The following RAP2A variants were observed in gnomAD, a reference collection of about 807,000 sequenced individuals.
RAP2A encodes ras-related protein Rap-2a.
A neutral mutation model predicts 15.1 loss-of-function variants in RAP2A; 5 were observed. That is an observed-to-expected ratio of 0.33 (90% CI 0.17 to 0.70). The LOEUF (loss-of-function observed/expected upper bound fraction) is 0.70. RAP2A is among the 30% of genes least tolerant of loss of function. The probability of loss-of-function intolerance (pLI) is 0.68; values close to 1 mark genes in which losing one functional copy is unlikely to be tolerated. For synonymous variants in RAP2A, 110 were observed against 99.7 expected (o/e 1.10, Z -0.62); for missense variants, 111 against 240.3 (o/e 0.46, Z 3.56).
intron 1 of RAP2A, among the ~76,000 whole-genome samples, chr13:97,450,694 GGTTTTTT>G (rs2066698703): frequency 6.6e-6 from 1 of 151,050 alleles, no homozygotes; most frequent in African/African-American, 2.5e-5. Context: ...TATTCAGATA[GGTTTTTT>G]ACATTTGGTT....
intron 1 of RAP2A, among the ~76,000 whole-genome samples, chr13:97,457,247 G>GAT (rs1457423525): frequency 3.9e-4 from 58 of 150,568 alleles, no homozygotes; most frequent in Non-Finnish European, 4.9e-4. Context: ...ACACGTGAGA[G>GAT]ATATATATAT....
chr13:97,442,565 G>A (rs971317019), intron 1 of RAP2A, among the ~76,000 whole-genome samples: 2 of 152,030 alleles, frequency 1.3e-5, no homozygotes, highest in Admixed American at 6.6e-5. Flanking sequence ...ACATCTAGCC[G>A]AAATCAACAT....
intron 1 of RAP2A, among the ~76,000 whole-genome samples, chr13:97,450,128 A>G (rs1353753579): frequency 6.6e-6 from 1 of 152,200 alleles, no homozygotes; most frequent in East Asian, 1.9e-4. Flanking sequence ...ATAGCTTTCA[A>G]GCTTCTTTAT....
chr13:97,452,657 C>CAT (rs2066707356), intron 1 of RAP2A, among the ~76,000 whole-genome samples: 1 of 150,594 alleles, frequency 6.6e-6, no homozygotes, highest in Non-Finnish European at 1.5e-5. Flanking sequence ...CACGCACACA[C>CAT]ACACACACAC....
intron 1 of RAP2A, among the ~76,000 whole-genome samples, chr13:97,457,068 A>C (rs1233850487): frequency 7.2e-5 from 11 of 152,130 alleles, no homozygotes; most frequent in Non-Finnish European, 1.6e-4. Context: ...AAAAATGTAA[A>C]TCCTAAGGAT....
At chr13:97,463,985 A>C (rs867706321) in intron 1 of RAP2A, among the ~76,000 whole-genome samples, 1 of 152,232 alleles carries the variant, frequency 6.6e-6, no homozygotes, top group Non-Finnish European at 1.5e-5. Flanking sequence ...ATAATTGATT[A>C]ATTAAAACAT....
chr13:97,435,001 C>G (rs922808424), intron 1 of RAP2A, among the ~76,000 whole-genome samples: 48 of 152,206 alleles, frequency 3.2e-4, no homozygotes, highest in African/African-American at 1.1e-3. Context: ...CAGAACAGCT[C>G]TTTGTCTCTT....
chr13:97,448,793 A>T (rs1211349819), intron 1 of RAP2A, among the ~76,000 whole-genome samples: 1 of 152,160 alleles, frequency 6.6e-6, no homozygotes, highest in Non-Finnish European at 1.5e-5. Flanking sequence ...GTTTTGATCA[A>T]TAGGAGTTTT....
intron 1 of RAP2A, among the ~76,000 whole-genome samples, chr13:97,450,870 T>C (rs921418208): frequency 2.6e-5 from 4 of 152,222 alleles, no homozygotes; most frequent in Admixed American, 6.5e-5. Flanking sequence ...TTTGAGGTAC[T>C]GTGACATCTT....
chr13:97,436,222 T>C (rs1232166922), intron 1 of RAP2A: 1 of 152,230 alleles, frequency 6.6e-6, no homozygotes, highest in Admixed American at 6.5e-5. Flanking sequence ...AGTATCATTT[T>C]CCTAAAGTTA....
chr13:97,436,162 C>T (rs2066633426), intron 1 of RAP2A: 1 of 152,134 alleles, frequency 6.6e-6, no homozygotes, highest in Admixed American at 6.5e-5. Flanking sequence ...CAGATATTTT[C>T]GTGGTCTCTG....
chr13:97,460,387 A>C (rs751346732), intron 1 of RAP2A, among the ~76,000 whole-genome samples: 1 of 152,228 alleles, frequency 6.6e-6, no homozygotes, highest in Non-Finnish European at 1.5e-5. Flanking sequence ...AGAGTATCTT[A>C]GGAATTATCC....
rs551930558 is a variant in RAP2A at position 97,465,669 on chromosome 13, G to C, written c.*1227G>C. 6.6e-6 allele frequency: 1 copy of C among 152,290 alleles called. No homozygotes were observed. Among genetic ancestry groups the C allele is most frequent in the South Asian group, 2.1e-4 (1 of 4,828 alleles). 9.4% of individuals were successfully genotyped at this position (152,290 alleles called of 1,614,324 possible). On this transcript the variant is annotated 3_prime_UTR_variant, in exon 2 of 2. Coordinates refer to ENST00000245304, the MANE Select transcript of RAP2A (RefSeq NM_021033.7). ...ACAATTTTGCCCTGATTACTGAAGC[G>C]TCAAATAAAGCTGGAGTGAAAATTT...
chr13:97,445,915 A>T (rs1386804056), intron 1 of RAP2A, among the ~76,000 whole-genome samples: 1 of 152,228 alleles, frequency 6.6e-6, no homozygotes, highest in Non-Finnish European at 1.5e-5. Flanking sequence ...CACCCTGAGC[A>T]CATCATCTGG....
rs746875941 is a variant in RAP2A, at chr13:97,464,388, T to C, written c.498T>C (p.Tyr166=). Residue 166 remains tyrosine (Y), a synonymous_variant, in exon 2 of 2, where the codon TAT becomes TAC. Transcript: ENST00000245304. ...CAGAAATTGTGAGGCAGATGAACTA[T>C]GCTGCTCAGCCTGACAAAGATGACC... ...LFAEIVRQMN[Y]AAQPDKDDPC... 8.7e-6 allele frequency: 14 copies of C among 1,614,220 alleles called. No homozygotes were observed. Among genetic ancestry groups the C allele is most frequent in the East Asian group, 4.5e-5 (2 of 44,886 alleles).
intron 1 of RAP2A, among the ~76,000 whole-genome samples, chr13:97,453,962 T>C (rs1416609214): frequency 6.6e-6 from 1 of 151,392 alleles, no homozygotes; most frequent in Non-Finnish European, 1.5e-5. Context: ...GAAATGTCTA[T>C]TCATGGCTTT....
At chr13:97,454,303 C>T (rs918950075) in intron 1 of RAP2A, among the ~76,000 whole-genome samples, 9 of 150,920 alleles carry the variant, frequency 6.0e-5, no homozygotes, top group African/African-American at 2.0e-4. Flanking sequence ...TTTAAACCTG[C>T]GTTTAATGTA....
chr13:97,464,161 GCTAA>G (rs748161918), intron 1 of RAP2A, 40 bp from the exon 2 acceptor site: 93 of 1,589,390 alleles, frequency 5.9e-5, no homozygotes, highest in African/African-American at 9.4e-5. Flanking sequence ...TTAACTTTGT[GCTAA>G]CTGTTACAAT....
intron 1 of RAP2A, among the ~76,000 whole-genome samples, chr13:97,443,167 C>T (rs2066665094): frequency 6.6e-6 from 1 of 152,162 alleles, no homozygotes. Flanking sequence ...TGATTCACCT[C>T]TCCCTGTAAG....
Sources: allele counts gnomAD v4.1 joint callset (sites outside exome capture counted in the v4.1 genomes callset), GRCh38; gene constraint gnomAD v4.1.1; transcripts MANE v1.5; gene names NCBI Gene and HGNC (gene_info 2026-07-23, HGNC 2026-07-21).